The following CNBD2 variants were observed in gnomAD, a reference collection of about 807,000 sequenced individuals.
CNBD2 encodes the protein cyclic nucleotide binding domain containing 2, also known as cyclic nucleotide-binding domain-containing protein 2.
In CNBD2, 64 loss-of-function variants were observed where a neutral mutation model predicts 63.7. The ratio of observed to expected loss-of-function variants is 1.00; its 90% CI spans 0.82 to 1.24. The LOEUF is 1.24. Among genes scored for constraint, CNBD2 ranks in the 50% most tolerant of loss-of-function variants. CNBD2 has a pLI of 0.00. For missense variants in CNBD2, 691 were observed against 713.5 expected, an observed-to-expected ratio of 0.97 and a Z score of 0.36; for synonymous variants, 229 against 255.4, an observed-to-expected ratio of 0.90 and a Z score of 0.99.
chr20:36,021,023 C>T (rs909194792), intron 10 of CNBD2, among the ~76,000 whole-genome samples: 19 of 152,164 alleles, frequency 1.2e-4, no homozygotes. Flanking sequence ...CTTCACATCT[C>T]CTTTCAAATT....
At chr20:36,022,864 C>T (rs1166833604) in intron 10 of CNBD2, among the ~76,000 whole-genome samples, 2 of 152,076 alleles carry the variant, frequency 1.3e-5, no homozygotes, top group African/African-American at 4.8e-5. Context: ...AAGTGATCCA[C>T]CCGCCTGGGC....
intron 3 of CNBD2, among the ~76,000 whole-genome samples, chr20:35,977,381 GC>G (rs2056535846): frequency 6.6e-6 from 1 of 152,170 alleles, no homozygotes; most frequent in Non-Finnish European, 1.5e-5. Context: ...TTAAAAACCA[GC>G]CCTTTGGCCA....
chr20:35,979,555 G>A (rs1488757346), intron 3 of CNBD2, among the ~76,000 whole-genome samples: 2 of 152,216 alleles, frequency 1.3e-5, no homozygotes, highest in African/African-American at 4.8e-5. Flanking sequence ...ACTGTGCCCA[G>A]CGTCCACTTC....
At chr20:35,986,106 A>G (rs937558285) in intron 6 of CNBD2, among the ~76,000 whole-genome samples, 1 of 152,232 alleles carries the variant, frequency 6.6e-6, no homozygotes, top group Non-Finnish European at 1.5e-5. Flanking sequence ...CCACGTAAGG[A>G]TATGCAAGTG....
At chr20:35,992,119 G>A (rs1203117179) in intron 7 of CNBD2, among the ~76,000 whole-genome samples, 2 of 152,166 alleles carry the variant, frequency 1.3e-5, no homozygotes, top group Non-Finnish European at 2.9e-5. Context: ...GACCTCAGGT[G>A]TTCCACCCTC....
At chr20:35,961,309 T>C (rs1013289816) in intron 2 of CNBD2, among the ~76,000 whole-genome samples, 4 of 152,226 alleles carry the variant, frequency 2.6e-5, no homozygotes, top group Admixed American at 6.5e-5. Context: ...TCAGCAAGGC[T>C]AGCTTTCTTT....
At chr20:35,983,314 A>G (rs905634093) in intron 4 of CNBD2, among the ~76,000 whole-genome samples, 11 of 151,992 alleles carry the variant, frequency 7.2e-5, no homozygotes, top group African/African-American at 2.4e-4. Context: ...AACTTATTGA[A>G]TGAATGAAGG....
rs1346829555 is a variant in CNBD2, at chr20:35,972,622, T to C, written c.52-7T>C. On this transcript the variant is annotated splice_polypyrimidine_tract_variant and splice_region_variant and intron_variant, in intron 1 of 11. Transcript: ENST00000373973. ...TTCTATTGATCTTGTTTGCTTTGTT[T>C]CCATAGGGACTGTACCAGCTCGCCA... The C allele has an allele frequency of 1.2e-6, 2 of 1,613,984 alleles. No individual in the cohort carries two copies. Among genetic ancestry groups the C allele is most frequent in the South Asian group, 2.2e-5 (2 of 91,024 alleles).
exon 1 of CNBD2, chr20:35,955,180 C>CAGG (rs1341120049): frequency 3.7e-5 from 6 of 163,962 alleles, no homozygotes; most frequent in African/African-American, 1.4e-4. Context: ...TGAGTTGACT[C>CAGG]AGCTCTTGCA....
intron 8 of CNBD2, among the ~76,000 whole-genome samples, chr20:36,001,460 A>C: frequency 6.9e-6 from 1 of 145,018 alleles, no homozygotes; most frequent in African/African-American, 2.6e-5. Context: ...GGCGCCCCTC[A>C]CCTCCCAGAC....
chr20:36,023,847 G>A, intron 11 of CNBD2, 76 bp downstream of exon 11: 1 of 1,329,210 alleles, frequency 7.5e-7, no homozygotes, highest in Non-Finnish European at 1.0e-6. Flanking sequence ...GTAAAAGAAG[G>A]AAAAATATAA....
chr20:36,009,343 A>AG (rs1257772978), intron 9 of CNBD2, among the ~76,000 whole-genome samples: 2 of 151,750 alleles, frequency 1.3e-5, no homozygotes, highest in African/African-American at 4.8e-5. Context: ...CTGGGACTAC[A>AG]GGCACCTGCC....
chr20:36,018,433 C>A (rs959246499), intron 10 of CNBD2, among the ~76,000 whole-genome samples: 2 of 152,200 alleles, frequency 1.3e-5, no homozygotes. Context: ...AAGCCTTCAA[C>A]AAATATTTGT....
chr20:35,987,256 C>T (rs866231176), intron 6 of CNBD2, 139 bp from the exon 7 acceptor site: 1 of 875,288 alleles, frequency 1.1e-6, no homozygotes, highest in Admixed American at 2.2e-5. Context: ...CAGGCAAGGC[C>T]AGGTAATTGG....
Position 36,023,734 on chromosome 20 carries a change from A to T in CNBD2, c.1402A>T (p.Ile468Leu). ...ACTGATTGACAATGATGACGAGATG[A>T]TAAAAAAGTTGTTAAAGCTCAATAT... ...YELIDNDDEM[I>L]KKLLKLNIAF... The change falls in exon 11 of 12, where the codon ATA (isoleucine) becomes TTA (leucine). Residue 468 changes from isoleucine (I) to leucine (L), a missense_variant. Physicochemically the swap from Ile to Leu is conservative, Grantham distance 5. Coordinates refer to ENST00000373973, the MANE Select transcript of CNBD2 (RefSeq NM_001365709.1). The T allele has an allele frequency of 6.2e-7, 1 of 1,613,610 alleles. No individual in the cohort carries two copies. The highest frequency in any genetic ancestry group is 2.2e-5 in the East Asian group (1 of 44,844).
At chr20:35,983,711 C>T (rs561287222) in intron 4 of CNBD2, among the ~76,000 whole-genome samples, 1 of 152,360 alleles carries the variant, frequency 6.6e-6, no homozygotes, top group East Asian at 1.9e-4. Flanking sequence ...GTTCAATGAA[C>T]ATTCACTGTG....
intron 10 of CNBD2, among the ~76,000 whole-genome samples, chr20:36,014,871 C>G (rs951846120): frequency 2.0e-5 from 3 of 152,010 alleles, no homozygotes; most frequent in Non-Finnish European, 4.4e-5. Flanking sequence ...TGGCCTCAAG[C>G]AATACTCCCA....
intron 5 of CNBD2, 44 bp from the exon 6 acceptor site, chr20:35,984,583 G>A: frequency 6.2e-7 from 1 of 1,601,772 alleles, no homozygotes; most frequent in Middle Eastern, 1.9e-4. Context: ...AGGACAGGAA[G>A]TGGAGGTGGC....
intron 9 of CNBD2, 101 bp downstream of exon 9, chr20:36,008,575 G>A: frequency 2.5e-6 from 3 of 1,189,672 alleles, no homozygotes. Flanking sequence ...AGGGGCAAAG[G>A]TGGAGGACAC....
Sources: gnomAD v4.1 joint callset for allele counts (sites outside exome capture counted in the v4.1 genomes callset) on GRCh38, gnomAD v4.1.1 for gene constraint, MANE v1.5 for transcripts, NCBI Gene and HGNC (gene_info 2026-07-23, HGNC 2026-07-21) for gene names.